The following DENND1A variants were observed in gnomAD, a reference collection of about 807,000 sequenced individuals.
DENND1A encodes DENN domain-containing protein 1A.
Under a neutral mutation model 113.7 loss-of-function variants are expected in DENND1A, and 51 were observed. The observed-to-expected ratio is 0.45, with a 90% CI of 0.36 to 0.57. The LOEUF (loss-of-function observed/expected upper bound fraction) is 0.57. DENND1A is among the 20% of genes least tolerant of loss of function. DENND1A has a pLI of 0.00. For synonymous variants in DENND1A, 565 were observed against 570.8 expected (o/e 0.99, Z 0.14); for missense variants, 1,258 against 1,395.9 (o/e 0.90, Z 1.57).
At chr9:123,618,020 G>A (rs939795361) in intron 10 of DENND1A, among the ~76,000 whole-genome samples, 3 of 152,232 alleles carry the variant, frequency 2.0e-5, no homozygotes, top group Non-Finnish European at 4.4e-5. Flanking sequence ...AAGATGCATA[G>A]CATCCAATTA....
At chr9:123,686,795 C>T (rs912034198) in intron 5 of DENND1A, among the ~76,000 whole-genome samples, 4 of 152,026 alleles carry the variant, frequency 2.6e-5, no homozygotes, top group African/African-American at 9.7e-5. Context: ...GACTGTGTTG[C>T]CTTTTTTAAT....
chr9:123,381,512 C>A lies in DENND1A; in HGVS notation c.3133G>T (p.Asp1045Tyr). The stretch of plus-strand genomic sequence containing the variant: ...GCCAGGGCCGGACTCGGGCTCACGT[C>A]TTGCTTGGTTTTCTGTAACAAATCC... ...FEDLLQKTKQ[D>Y]VSPSPALAPA... Residue 1045 changes from aspartate (D) to tyrosine (Y), a missense_variant, in exon 24 of 24, where the codon GAC becomes TAC. Around this residue, in one of 2 missense-constraint regions of DENND1A, gnomAD observed 1,159 missense variants for 1,231.7 expected, o/e 0.94. Coordinates refer to ENST00000394215, the MANE Select transcript of DENND1A (RefSeq NM_001352964.2). The surrounding 1 kb of genome is among the most constrained non-coding windows in gnomAD (Gnocchi z 4.7). 1 of 1,613,564 alleles carries A rather than the reference C, an allele frequency of 6.2e-7. No individual in the cohort carries two copies. The highest frequency in any genetic ancestry group is 8.5e-7 in the Non-Finnish European group (1 of 1,179,918).
intron 2 of DENND1A, among the ~76,000 whole-genome samples, chr9:123,807,513 A>G (rs1263222620): frequency 6.6e-6 from 1 of 152,198 alleles, no homozygotes; most frequent in Non-Finnish European, 1.5e-5. Context: ...TTGTCTCCCC[A>G]GTAAGTAAAA....
chr9:123,741,007 T>C (rs919684847), intron 5 of DENND1A, among the ~76,000 whole-genome samples: 8 of 151,616 alleles, frequency 5.3e-5, no homozygotes, highest in African/African-American at 1.9e-4. Context: ...ATTCAATAAG[T>C]ACTTATGTAG....
intron 2 of DENND1A, among the ~76,000 whole-genome samples, chr9:123,833,876 C>T (rs578094682): frequency 3.3e-5 from 5 of 152,186 alleles, no homozygotes; most frequent in African/African-American, 1.2e-4. Context: ...CTGGCCAACA[C>T]GGTGAAACCC....
At chr9:123,785,760 T>A (rs1832057073) in intron 3 of DENND1A, among the ~76,000 whole-genome samples, 1 of 152,204 alleles carries the variant, frequency 6.6e-6, no homozygotes, top group Non-Finnish European at 1.5e-5. Context: ...AATCAGCTCT[T>A]AGGCCGAATA....
At position 123,735,787 on chromosome 9, in the gene DENND1A, T is replaced by A. The variant is rs567420728; in HGVS notation, c.302+21916A>T. On this transcript the variant is annotated intron_variant, in intron 5 of 23. Transcript: ENST00000394215. ...GCCAAGATGGGTGGATCACTTGAAG[T>A]CAGGAGTTCAAGACCAGCCTGGCCA... 1.2e-4 allele frequency among the ~76,000 whole-genome samples: 18 copies of A among 152,286 alleles called. No individual in the cohort carries two copies. The South Asian group carries it at 1.9e-3, about 16-fold the overall frequency.
chr9:123,448,107 T>G (rs1193934552), intron 18 of DENND1A, among the ~76,000 whole-genome samples: 3 of 152,148 alleles, frequency 2.0e-5, no homozygotes, highest in Admixed American at 6.5e-5. Flanking sequence ...TCACCTGAAA[T>G]GTACTGACGC....
chr9:123,715,438 TA>T (rs1193651205), intron 5 of DENND1A, among the ~76,000 whole-genome samples: 5 of 152,184 alleles, frequency 3.3e-5, no homozygotes, highest in Admixed American at 6.5e-5. Flanking sequence ...CTGACTCATA[TA>T]AAACTTCCTT....
At chr9:123,627,030 C>T (rs919909362) in intron 10 of DENND1A, among the ~76,000 whole-genome samples, 3 of 152,290 alleles carry the variant, frequency 2.0e-5, no homozygotes, top group South Asian at 4.1e-4. Context: ...ACCCTATGTC[C>T]CCCTCTTCTT....
chr9:123,571,846 G>A (rs1045962171), intron 12 of DENND1A, among the ~76,000 whole-genome samples: 6 of 152,250 alleles, frequency 3.9e-5, no homozygotes, highest in African/African-American at 4.8e-5. Flanking sequence ...TATGGTAGGC[G>A]TAAGTTTAAC....
At chr9:123,488,708 G>A (rs976749950) in intron 13 of DENND1A, among the ~76,000 whole-genome samples, 1 of 152,180 alleles carries the variant, frequency 6.6e-6, no homozygotes, top group African/African-American at 2.4e-5. Context: ...TTCTCTTAAG[G>A]AGACAGCATT....
chr9:123,501,677 T>C (rs533144531), intron 13 of DENND1A, among the ~76,000 whole-genome samples: 3 of 152,324 alleles, frequency 2.0e-5, no homozygotes, highest in East Asian at 1.9e-4. Flanking sequence ...TGTGAGGGTG[T>C]TGTCAAAAAC....
chr9:123,677,916 CCTCACTCCT>C (rs1484270064), intron 5 of DENND1A, among the ~76,000 whole-genome samples: 5 of 152,106 alleles, frequency 3.3e-5, no homozygotes, highest in African/African-American at 7.2e-5. Context: ...GATATGCTCC[CCTCACTCCT>C]CTCACTCCGG....
At chr9:123,710,534 A>AACACAC (rs59599155) in intron 5 of DENND1A, among the ~76,000 whole-genome samples, 14 of 116,738 alleles carry the variant, frequency 1.2e-4, no homozygotes, top group South Asian at 2.7e-4. Flanking sequence ...AGCCTCATTA[A>AACACAC]ACACACACAC....
In DENND1A at chr9:123,557,571, G is replaced by A. The variant is rs115363971; in HGVS notation, c.992C>T (p.Pro331Leu). 9.3e-6 allele frequency: 15 copies of A among 1,613,532 alleles called. No individual in the cohort carries two copies. Among genetic ancestry groups the A allele is most frequent in the East Asian group, 8.9e-5 (4 of 44,876 alleles). Residue 331 changes from proline to leucine, a missense_variant and splice_region_variant, in exon 13 of 24, where the codon CCG becomes CTG. Pro to Leu is a moderately conservative substitution (Grantham distance 98). Coordinates refer to ENST00000394215, the MANE Select transcript of DENND1A (RefSeq NM_001352964.2). Reference protein sequence around the residue: ...GSYRNALKIEPEEPITFCEEA... With the variant: ...GSYRNALKIELEEPITFCEEA... Reference sequence around the variant, plus strand: ...CTGTGACATGCCAAGGCTACTCACCGGCTCGATTTTCAGAGCGTTTCGGTA... The same window carrying A: ...CTGTGACATGCCAAGGCTACTCACCAGCTCGATTTTCAGAGCGTTTCGGTA...
At chr9:123,843,097 T>C (rs561334857) in intron 2 of DENND1A, 2 of 542,230 alleles carry the variant, frequency 3.7e-6, no homozygotes, top group African/African-American at 1.9e-5. Context: ...TTTTCAATTA[T>C]CCTAAGTGTC....
intron 18 of DENND1A, among the ~76,000 whole-genome samples, chr9:123,444,960 T>G (rs1478463017): frequency 6.6e-6 from 1 of 152,206 alleles, no homozygotes; most frequent in Non-Finnish European, 1.5e-5. Flanking sequence ...GCAAATCTCT[T>G]CCTGGAGCCC....
At chr9:123,864,574 G>A (rs1845554056) in intron 2 of DENND1A, among the ~76,000 whole-genome samples, 1 of 152,186 alleles carries the variant, frequency 6.6e-6, no homozygotes. Context: ...GAATGTGAGA[G>A]CGCCTTCCTT....
Sources: gnomAD v4.1 joint callset for allele counts (sites outside exome capture counted in the v4.1 genomes callset) on GRCh38, gnomAD v4.1.1 for gene constraint, gnomAD v4.1.1 regional missense constraint, Gnocchi (gnomAD v3.1) non-coding constraint, MANE v1.5 for transcripts, NCBI Gene and HGNC (gene_info 2026-07-23, HGNC 2026-07-21) for gene names.